Variants in SETX observed in about 807,000 individuals in gnomAD.
SETX encodes the protein helicase senataxin.
A neutral mutation model predicts 227.2 loss-of-function variants in SETX; 90 were observed. The ratio of observed to expected loss-of-function variants is 0.40; its 90% CI spans 0.33 to 0.47. The LOEUF (loss-of-function observed/expected upper bound fraction) is 0.47. SETX is among the 20% of genes least tolerant of loss of function. The pLI is 0.91. For missense variants in SETX, 3,052 were observed against 3,181.5 expected, an observed-to-expected ratio of 0.96 and a Z score of 0.98; for synonymous variants, 1,210 against 1,113.2, an observed-to-expected ratio of 1.09 and a Z score of -1.73.
chr9:132,320,854 T>C (rs1846282608), intron 10 of SETX, among the ~76,000 whole-genome samples: 1 of 151,678 alleles, frequency 6.6e-6, no homozygotes, highest in African/African-American at 2.4e-5. Flanking sequence ...AACCACACTT[T>C]GGAAGCTGCA....
At chr9:132,345,527 G>A (rs1848237728) in intron 4 of SETX, among the ~76,000 whole-genome samples, 1 of 152,184 alleles carries the variant, frequency 6.6e-6, no homozygotes, top group South Asian at 2.1e-4. Flanking sequence ...GCCTGCCTCA[G>A]CCTCCCAAAA....
At chr9:132,283,140 T>C (rs1415674316) in intron 19 of SETX, 124 bp downstream of exon 19, 4 of 1,189,318 alleles carry the variant, frequency 3.4e-6, no homozygotes, top group East Asian at 5.0e-5. Context: ...ACACAGGTAA[T>C]AGCAAGTGAA....
At chr9:132,321,957 T>C (rs1846385393) in intron 10 of SETX, among the ~76,000 whole-genome samples, 1 of 152,188 alleles carries the variant, frequency 6.6e-6, no homozygotes, top group African/African-American at 2.4e-5. Context: ...CACTCAGAGC[T>C]TCTGGTGTTT....
rs373646322 is a variant in SETX, at chr9:132,286,665, C to T, written c.6325-171G>A. Among the ~76,000 whole-genome samples the T allele has an allele frequency of 1.3e-4, 20 of 152,344 alleles. No homozygotes were observed. In the South Asian group the frequency reaches 2.7e-3, roughly 21 times the overall value. ...TCCTGACACACTCTGTATGCTGCTG[C>T]GTAAGACTCAGCTGTGTTCTGTGCG... On this transcript the variant is annotated intron_variant, in intron 17 of 25. Coordinates refer to ENST00000224140, the MANE Select transcript of SETX (RefSeq NM_015046.7).
rs1186181814 is a variant in SETX, at chr9:132,333,412, T to C, written c.838+1196A>G. 5.8e-5 allele frequency among the ~76,000 whole-genome samples: 6 copies of C among 104,050 alleles called. 1 individual carries two copies. The highest frequency in any genetic ancestry group is 2.2e-4 in the African/African-American group (5 of 22,276). The allele number at this position is 104,050 out of a possible 152,430, so 68.3% of individuals were successfully genotyped here. ...AAAAAAAAAAAGAAAAAAAAAAATA[T>C]ATATACACACACACACACACACACA... On this transcript the variant is annotated intron_variant, in intron 7 of 25. Transcript: ENST00000224140.
chr9:132,326,368 A>T lies in SETX; in HGVS notation c.5230T>A (p.Phe1744Ile). The change falls in exon 10 of 26, where the codon TTT becomes ATT. Residue 1744 changes from phenylalanine to isoleucine, a missense_variant. By Grantham distance (21) the Phe-to-Ile change is conservative. Transcript: ENST00000224140. ...PVRFHNYGDYFNVFFPLMVLN... is the reference protein window; with the variant it reads ...PVRFHNYGDYINVFFPLMVLN... ...ACCATCAAAGGGAAAAAAACATTAA[A>T]ATAATCTCCATAATTGTGAAATCTG... is the stretch of plus-strand genomic sequence containing the variant. 1.9e-6 allele frequency: 3 copies of T among 1,613,912 alleles called. No homozygotes were observed. The highest frequency in any genetic ancestry group is 2.5e-6 in the Non-Finnish European group (3 of 1,179,818).
intron 3 of SETX, 86 bp from the exon 4 acceptor site, chr9:132,346,557 T>A: frequency 1.1e-6 from 1 of 947,464 alleles, no homozygotes; most frequent in Non-Finnish European, 1.6e-6. Context: ...AGCCTTTTCC[T>A]AAGTACAAAA....
chr9:132,301,539 A>G (rs951806848), intron 11 of SETX, among the ~76,000 whole-genome samples: 3 of 152,198 alleles, frequency 2.0e-5, no homozygotes, highest in Non-Finnish European at 4.4e-5. Context: ...CCATAAGATT[A>G]TAATATATTT....
In SETX at chr9:132,308,572, G is replaced by A. The variant is rs191470195; in HGVS notation, c.5374+3185C>T. Among the ~76,000 whole-genome samples, 4 of 152,164 alleles carry A rather than the reference G, an allele frequency of 2.6e-5. No individual in the cohort carries two copies. The East Asian group carries it at 7.7e-4, about 29-fold the overall frequency. ...ATTTGAACACTGACTGATATGAAGG[G>A]ATTATTGGTAACTTTTTAGGTATGA... is the stretch of plus-strand genomic sequence containing the variant. On this transcript the variant is annotated intron_variant, in intron 11 of 25. Transcript: ENST00000224140.
intron 6 of SETX, among the ~76,000 whole-genome samples, chr9:132,335,154 G>A (rs567506794): frequency 6.6e-6 from 1 of 151,946 alleles, no homozygotes; most frequent in African/African-American, 2.4e-5. Context: ...ACTTTGGGAG[G>A]CCAAGGCGGG....
intron 7 of SETX, 65 bp downstream of exon 7, chr9:132,334,543 C>G: frequency 1.3e-6 from 2 of 1,565,176 alleles, no homozygotes; most frequent in Non-Finnish European, 1.8e-6. Context: ...TGCAGTGACA[C>G]TATCATTTTT....
chr9:132,269,286 A>G, intron 25 of SETX: 2 of 650,060 alleles, frequency 3.1e-6, no homozygotes, highest in South Asian at 3.6e-5. Context: ...TAACAGCCAC[A>G]TTTACTGAGT....
At chr9:132,271,687 G>A (rs1842910100) in intron 24 of SETX, 23 bp downstream of exon 24, 1 of 1,573,470 alleles carries the variant, frequency 6.4e-7, no homozygotes, top group South Asian at 1.1e-5. Context: ...AAGTATAAAA[G>A]AGCAACAATG....
In SETX at chr9:132,264,856, G is replaced by T; in HGVS notation, c.7417C>A (p.Leu2473Ile). 6.2e-7 allele frequency: 1 copy of T among 1,614,162 alleles called. No homozygotes were observed. The highest frequency in any genetic ancestry group is 8.5e-7 in the Non-Finnish European group (1 of 1,180,030). The change falls in exon 26 of 26, where the codon CTC becomes ATC. Residue 2473 changes from leucine (L) to isoleucine (I), a missense_variant. Coordinates refer to ENST00000224140, the MANE Select transcript of SETX (RefSeq NM_015046.7). ...GGGGCTATGGTAGGAGGGTGAGTGA[G>T]ACTTCTCTGCAGCACAGGCTTGAGT... ...LKLKPVLQRS[L>I]THPPTIAPEG...
chr9:132,264,558 G>A lies in SETX; in HGVS notation c.7715C>T (p.Thr2572Met), dbSNP rs773364996. The A allele has an allele frequency of 2.0e-5, 33 of 1,613,994 alleles. No homozygotes were observed. Among genetic ancestry groups the A allele is most frequent in the African/African-American group, 4.0e-5 (3 of 74,920 alleles). ...SPQHPGATPP[T>M]GEPGFPVVHQ... ...AACGACAGGGAAGCCCGGCTCGCCC[G>A]TAGGAGGTGTTGCTCCAGGATGCTG... The change falls in exon 26 of 26, where the codon ACG becomes ATG. Residue 2572 changes from threonine to methionine, a missense_variant. This residue lies in a region of SETX where 294 missense variants were observed against 278.8 expected (regional missense o/e 1.05). Coordinates refer to ENST00000224140, the MANE Select transcript of SETX (RefSeq NM_015046.7).
chr9:132,313,904 T>C (rs113101201), intron 10 of SETX, among the ~76,000 whole-genome samples: 18 of 146,734 alleles, frequency 1.2e-4, no homozygotes, highest in African/African-American at 4.1e-4. Flanking sequence ...GAGATGAATA[T>C]ACAATGTGGC....
chr9:132,339,728 T>C (rs1847848099), intron 5 of SETX, among the ~76,000 whole-genome samples: 1 of 152,168 alleles, frequency 6.6e-6, no homozygotes, highest in African/African-American at 2.4e-5. Flanking sequence ...TTCTCCTGCC[T>C]CAGCCTCCCA....
Position 132,264,772 on chromosome 9 carries a change from T to C in SETX, c.7501A>G (p.Lys2501Glu), listed in dbSNP as rs761727829. ...PSSKLDSGFA[K>E]TSVAASLYHT... ...TATAGAGAAGCAGCAACAGATGTCTTGGCAAATCCACTGTCTAGCTTGCTG... is the reference window on the plus strand; with the variant it reads ...TATAGAGAAGCAGCAACAGATGTCTCGGCAAATCCACTGTCTAGCTTGCTG... Residue 2501 changes from lysine to glutamate, a missense_variant, in exon 26 of 26, where the codon AAG (lysine) becomes GAG (glutamate). By Grantham distance (56) the Lys-to-Glu change is moderately conservative. Transcript: ENST00000224140. 5.0e-6 allele frequency: 8 copies of C among 1,614,184 alleles called. No homozygotes were observed. Among genetic ancestry groups the C allele is most frequent in the South Asian group, 2.2e-5 (2 of 91,084 alleles).
At chr9:132,266,377 A>T (rs931698359) in intron 25 of SETX, 1 of 152,224 alleles carries the variant, frequency 6.6e-6, no homozygotes, top group Non-Finnish European at 1.5e-5. Flanking sequence ...TGATGAGGCA[A>T]TTATAACCCT....
Sources: gnomAD v4.1 joint callset for allele counts (sites outside exome capture counted in the v4.1 genomes callset) on GRCh38, gnomAD v4.1.1 for gene constraint, gnomAD v4.1.1 regional missense constraint, MANE v1.5 for transcripts, NCBI Gene and HGNC (gene_info 2026-07-23, HGNC 2026-07-21) for gene names.